Variants in EXOC6B observed in about 807,000 individuals in gnomAD.
The protein encoded by EXOC6B is SEC15 homolog B.
EXOC6B carries 54 observed loss-of-function variants against 113.5 expected under a neutral mutation model. The ratio of observed to expected loss-of-function variants is 0.48; its 90% CI spans 0.38 to 0.60. The LOEUF (loss-of-function observed/expected upper bound fraction) is 0.60. EXOC6B is among the 20% of genes least tolerant of loss of function. The probability of loss-of-function intolerance (pLI) is 0.00; values close to 1 mark genes in which losing one functional copy is unlikely to be tolerated. For missense variants in EXOC6B, 797 were observed against 977.5 expected (o/e 0.82, Z 2.46); for synonymous variants, 357 against 339.0 (o/e 1.05, Z -0.58).
rs116662884 is a variant in EXOC6B at position 72,474,812 on chromosome 2, G to A, written c.1800+5804C>T. Reference sequence around the variant, plus strand: ...AATTATTCCTTTGGAGGTGTCATATGTCCTGGCTTTTTCTTATTTTCTGTA... The same window carrying A: ...AATTATTCCTTTGGAGGTGTCATATATCCTGGCTTTTTCTTATTTTCTGTA... On this transcript the variant is annotated intron_variant, in intron 17 of 21. Coordinates refer to ENST00000272427, the MANE Select transcript of EXOC6B (RefSeq NM_015189.3). Among the ~76,000 whole-genome samples, 1,148 of 152,184 alleles carry A rather than the reference G, an allele frequency of 7.5e-3. 16 individuals are homozygous for A. Among genetic ancestry groups the A allele is most frequent in the African/African-American group, 0.025 (1,044 of 41,542 alleles).
chr2:72,254,779 C>CTCGGCT (rs1045560575), intron 20 of EXOC6B, among the ~76,000 whole-genome samples: 10 of 152,136 alleles, frequency 6.6e-5, no homozygotes, highest in Non-Finnish European at 1.0e-4. Flanking sequence ...TGGCAGAAAA[C>CTCGGCT]TCGGCTGAAT....
intron 6 of EXOC6B, among the ~76,000 whole-genome samples, chr2:72,700,124 T>C (rs923993995): frequency 1.3e-5 from 2 of 152,156 alleles, no homozygotes; most frequent in Admixed American, 1.3e-4. Flanking sequence ...ATTTTTATTG[T>C]TATATTGTTG....
At chr2:72,398,135 G>T (rs1692872766) in intron 18 of EXOC6B, among the ~76,000 whole-genome samples, 2 of 152,166 alleles carry the variant, frequency 1.3e-5, no homozygotes, top group Non-Finnish European at 2.9e-5. Flanking sequence ...TTTCTGATGT[G>T]AACCTCATCA....
intron 7 of EXOC6B, among the ~76,000 whole-genome samples, chr2:72,562,808 A>G (rs955919414): frequency 6.6e-6 from 1 of 152,166 alleles, no homozygotes; most frequent in Non-Finnish European, 1.5e-5. Flanking sequence ...GGAACTCAAG[A>G]CTTTAAGATA....
intron 6 of EXOC6B, among the ~76,000 whole-genome samples, chr2:72,688,529 T>TGGGGCA (rs373465195): frequency 5.1e-4 from 74 of 145,984 alleles, no homozygotes; most frequent in African/African-American, 1.7e-3. Context: ...TGAGGACTAC[T>TGGGGCA]GGGGCAGGGG....
chr2:72,746,049 A>G (rs530405504), intron 1 of EXOC6B, among the ~76,000 whole-genome samples: 1 of 152,226 alleles, frequency 6.6e-6, no homozygotes, highest in South Asian at 2.1e-4. Flanking sequence ...TAAAAACTAT[A>G]TTCCATAATA....
chr2:72,227,035 T>C (rs568476898), intron 20 of EXOC6B, among the ~76,000 whole-genome samples: 1 of 152,224 alleles, frequency 6.6e-6, no homozygotes, highest in East Asian at 1.9e-4. Flanking sequence ...GCTGTAATGC[T>C]AACATTTTAA....
At chr2:72,535,084 C>G (rs569109932) in intron 8 of EXOC6B, among the ~76,000 whole-genome samples, 1 of 152,310 alleles carries the variant, frequency 6.6e-6, no homozygotes, top group Non-Finnish European at 1.5e-5. Context: ...AAATACTAAA[C>G]TTGGTAAACA....
At chr2:72,662,539 AAAAT>A (rs1238801297) in intron 6 of EXOC6B, among the ~76,000 whole-genome samples, 1 of 152,222 alleles carries the variant, frequency 6.6e-6, no homozygotes, top group Non-Finnish European at 1.5e-5. Flanking sequence ...AACTGAATGT[AAAAT>A]AAATACGATG....
At chr2:72,260,616 C>T (rs1430843936) in intron 20 of EXOC6B, among the ~76,000 whole-genome samples, 1 of 152,154 alleles carries the variant, frequency 6.6e-6, no homozygotes, top group African/African-American at 2.4e-5. Flanking sequence ...CCAGAAGACT[C>T]CGGCAAGGGG....
chr2:72,274,885 T>C (rs1684719047), intron 20 of EXOC6B, among the ~76,000 whole-genome samples: 1 of 152,146 alleles, frequency 6.6e-6, no homozygotes, highest in Non-Finnish European at 1.5e-5. Flanking sequence ...CCAAATTTTT[T>C]TGCTTTTATA....
intron 20 of EXOC6B, among the ~76,000 whole-genome samples, chr2:72,276,783 G>T (rs1273479222): frequency 6.6e-6 from 1 of 152,014 alleles, no homozygotes; most frequent in Non-Finnish European, 1.5e-5. Context: ...AATAAGTATA[G>T]AATCCAATAA....
At chr2:72,579,137 A>AG (rs1470200009) in intron 6 of EXOC6B, among the ~76,000 whole-genome samples, 2 of 152,188 alleles carry the variant, frequency 1.3e-5, no homozygotes, top group Non-Finnish European at 2.9e-5. Flanking sequence ...AGCAAAAGTA[A>AG]CAGAATTAAC....
intron 11 of EXOC6B, among the ~76,000 whole-genome samples, chr2:72,501,316 C>A (rs1700309928): frequency 6.6e-6 from 1 of 152,028 alleles, no homozygotes; most frequent in Non-Finnish European, 1.5e-5. Context: ...AAGAGCCTGG[C>A]AAACCCACCC....
chr2:72,738,453 T>C (rs1370363373), intron 2 of EXOC6B, among the ~76,000 whole-genome samples: 3 of 152,228 alleles, frequency 2.0e-5, no homozygotes, highest in African/African-American at 7.2e-5. Context: ...TTTTTTAACA[T>C]GGATTTCAAC....
chr2:72,650,531 G>A (rs1674084998), intron 6 of EXOC6B, among the ~76,000 whole-genome samples: 1 of 151,868 alleles, frequency 6.6e-6, no homozygotes, highest in Non-Finnish European at 1.5e-5. Flanking sequence ...AACCCGGGAG[G>A]TGGAGTGAGC....
chr2:72,385,942 A>G (rs902716716), intron 18 of EXOC6B, among the ~76,000 whole-genome samples: 3 of 152,164 alleles, frequency 2.0e-5, no homozygotes, highest in Non-Finnish European at 4.4e-5. Flanking sequence ...TACTATTGAA[A>G]ACAGTACGGA....
intron 17 of EXOC6B, among the ~76,000 whole-genome samples, chr2:72,480,114 G>A (rs2105484133): frequency 6.6e-6 from 1 of 151,822 alleles, no homozygotes; most frequent in Middle Eastern, 3.4e-3. Flanking sequence ...TGAGGCATGA[G>A]AACTACTTGA....
intron 18 of EXOC6B, among the ~76,000 whole-genome samples, chr2:72,431,775 G>C (rs1695548191): frequency 6.6e-6 from 1 of 151,974 alleles, no homozygotes; most frequent in African/African-American, 2.4e-5. Flanking sequence ...TTAGGTATTT[G>C]TCCTAATGCT....
Sources: gnomAD v4.1 joint callset for allele counts (sites outside exome capture counted in the v4.1 genomes callset) on GRCh38, gnomAD v4.1.1 for gene constraint, MANE v1.5 for transcripts, NCBI Gene and HGNC (gene_info 2026-07-23, HGNC 2026-07-21) for gene names.